SNTG2: variants seen among roughly 807,000 people sequenced by gnomAD.
The protein encoded by SNTG2 is gamma-2-syntrophin.
Under a neutral mutation model 70.9 loss-of-function variants are expected in SNTG2, and 74 were observed. The observed-to-expected ratio is 1.04, with a 90% confidence interval of 0.86 to 1.27. The LOEUF (loss-of-function observed/expected upper bound fraction) is 1.27. SNTG2 is among the 50% of genes most tolerant of loss of function. The probability of loss-of-function intolerance (pLI) is 0.00; values close to 1 mark genes in which losing one functional copy is unlikely to be tolerated. For synonymous variants in SNTG2, 278 were observed against 273.8 expected (o/e 1.02, Z -0.15); for missense variants, 717 against 690.7 (o/e 1.04, Z -0.43).
At chr2:1,010,505 T>C (rs912364792) in intron 1 of SNTG2, among the ~76,000 whole-genome samples, 1 of 152,218 alleles carries the variant, frequency 6.6e-6, no homozygotes, top group Non-Finnish European at 1.5e-5. Context: ...GCATTTTGCT[T>C]GTAGGCATCA....
At chr2:1,020,541 C>T (rs1205089529) in intron 1 of SNTG2, among the ~76,000 whole-genome samples, 1 of 151,612 alleles carries the variant, frequency 6.6e-6, no homozygotes, top group Non-Finnish European at 1.5e-5. Context: ...GTACTCATTC[C>T]TGCACTTCTC....
chr2:1,250,673 C>T (rs905431775), intron 12 of SNTG2, among the ~76,000 whole-genome samples: 3 of 151,928 alleles, frequency 2.0e-5, no homozygotes, highest in African/African-American at 7.3e-5. Context: ...CTCTCGAGGT[C>T]TCTCTCTTTC....
chr2:1,026,321 A>G (rs1660478093), intron 1 of SNTG2, among the ~76,000 whole-genome samples: 1 of 152,218 alleles, frequency 6.6e-6, no homozygotes, highest in African/African-American at 2.4e-5. Flanking sequence ...ACACTGAAGA[A>G]CACGCAGGGG....
intron 1 of SNTG2, among the ~76,000 whole-genome samples, chr2:1,042,456 C>T (rs1661493381): frequency 6.6e-6 from 1 of 152,002 alleles, no homozygotes; most frequent in African/African-American, 2.4e-5. Flanking sequence ...GTTTGGTGTA[C>T]AGCTTATTTT....
intron 15 of SNTG2, among the ~76,000 whole-genome samples, chr2:1,313,799 CA>C (rs1681132423): frequency 6.6e-6 from 1 of 152,120 alleles, no homozygotes; most frequent in Non-Finnish European, 1.5e-5. Flanking sequence ...TGTCCCAACC[CA>C]GAGAAGCTGA....
chr2:1,308,923 G>A (rs1437059056), intron 15 of SNTG2, among the ~76,000 whole-genome samples: 1 of 152,160 alleles, frequency 6.6e-6, no homozygotes, highest in Non-Finnish European at 1.5e-5. Context: ...GAACATTCGT[G>A]GTAGCGGTGA....
At chr2:1,321,909 CCTCCTTCCTTCCTTCCTTCT>C (rs1169055857) in intron 16 of SNTG2, among the ~76,000 whole-genome samples, 1 of 151,694 alleles carries the variant, frequency 6.6e-6, no homozygotes. Context: ...TTCTTCCTTC[CCTCCTTCCTTCCTTCCTTCT>C]CTCCTTCCTT....
intron 15 of SNTG2, among the ~76,000 whole-genome samples, chr2:1,311,585 G>T (rs1418450658): frequency 6.6e-6 from 1 of 152,114 alleles, no homozygotes; most frequent in Non-Finnish European, 1.5e-5. Flanking sequence ...GGCGTCAGTA[G>T]GCTTTCGATT....
chr2:1,170,841 T>A (rs2147877377), intron 7 of SNTG2, among the ~76,000 whole-genome samples: 1 of 152,104 alleles, frequency 6.6e-6, no homozygotes, highest in South Asian at 2.1e-4. Context: ...TTGGGAGATG[T>A]TTTCCTTCCC....
intron 1 of SNTG2, among the ~76,000 whole-genome samples, chr2:991,161 A>G (rs1661477835): frequency 6.6e-6 from 1 of 152,156 alleles, no homozygotes; most frequent in Admixed American, 6.5e-5. Flanking sequence ...CCAGAGACAG[A>G]GAAAACCAGA....
intron 8 of SNTG2, among the ~76,000 whole-genome samples, chr2:1,191,945 A>G (rs1672621287): frequency 1.3e-5 from 2 of 152,098 alleles, no homozygotes; most frequent in South Asian, 4.1e-4. Flanking sequence ...TTTAAAATGT[A>G]GCTGATAGAA....
chr2:1,295,055 C>T (rs1343397252), intron 14 of SNTG2, among the ~76,000 whole-genome samples: 1 of 152,190 alleles, frequency 6.6e-6, no homozygotes, highest in East Asian at 1.9e-4. Context: ...GCCCTGTGCG[C>T]ATGGAGTGCT....
chr2:1,322,070 C>T (rs1184095689), intron 16 of SNTG2, among the ~76,000 whole-genome samples: 1 of 152,184 alleles, frequency 6.6e-6, no homozygotes, highest in Non-Finnish European at 1.5e-5. Context: ...TGTTTGAACA[C>T]AACATCTTTG....
intron 9 of SNTG2, among the ~76,000 whole-genome samples, chr2:1,225,990 C>T (rs1279649375): frequency 1.3e-5 from 2 of 151,272 alleles, no homozygotes; most frequent in African/African-American, 4.9e-5. Flanking sequence ...TAATACCATT[C>T]ACTACACTGG....
At chr2:1,276,744 T>C (rs1679285802) in intron 14 of SNTG2, among the ~76,000 whole-genome samples, 1 of 152,212 alleles carries the variant, frequency 6.6e-6, no homozygotes, top group Non-Finnish European at 1.5e-5. Context: ...ATAGCTGCCA[T>C]AGATAGTGAA....
At chr2:1,103,983 T>A (rs1478795548) in intron 4 of SNTG2, among the ~76,000 whole-genome samples, 1 of 152,182 alleles carries the variant, frequency 6.6e-6, no homozygotes, top group Non-Finnish European at 1.5e-5. Flanking sequence ...GAGAAAAATA[T>A]AGCTACATTT....
intron 14 of SNTG2, among the ~76,000 whole-genome samples, chr2:1,271,307 CT>C (rs994762545): frequency 4.1e-4 from 63 of 152,080 alleles, no homozygotes; most frequent in Non-Finnish European, 1.6e-4. Context: ...ATATTTTTTC[CT>C]TTTTATTGAA....
chr2:1,100,211 G>A (rs545143257), intron 4 of SNTG2, among the ~76,000 whole-genome samples: 2 of 152,052 alleles, frequency 1.3e-5, no homozygotes, highest in South Asian at 4.2e-4. Context: ...GAGATGCCCA[G>A]GCTGGAGTGC....
chr2:1,266,878 C>T (rs1678770520), intron 13 of SNTG2, among the ~76,000 whole-genome samples: 1 of 151,324 alleles, frequency 6.6e-6, no homozygotes, highest in Admixed American at 6.6e-5. Context: ...CTCAGCCTCC[C>T]AAATAGCTAG....
Sources: allele counts gnomAD v4.1 joint callset (sites outside exome capture counted in the v4.1 genomes callset), GRCh38; gene constraint gnomAD v4.1.1; transcripts MANE v1.5; gene names NCBI Gene and HGNC (gene_info 2026-07-23, HGNC 2026-07-21).